The following SUGP1 variants were observed in gnomAD, a reference collection of about 807,000 sequenced individuals.
The protein encoded by SUGP1 is SURP and G-patch domain containing 1.
A neutral mutation model predicts 76.5 loss-of-function variants in SUGP1; 34 were observed. That is an observed-to-expected ratio of 0.44 (90% CI 0.34 to 0.59). SUGP1 has a LOEUF of 0.59. Ranked by LOEUF, SUGP1 falls within the 20% of genes least tolerant of loss-of-function variation. SUGP1 has a pLI of 0.01. For synonymous variants in SUGP1, 326 were observed against 326.2 expected, an observed-to-expected ratio of 1.00 and a Z score of 0.01; for missense variants, 752 against 851.7, an observed-to-expected ratio of 0.88 and a Z score of 1.46.
intron 8 of SUGP1, among the ~76,000 whole-genome samples, chr19:19,289,704 T>C (rs949771750): frequency 6.6e-6 from 1 of 151,914 alleles, no homozygotes. Context: ...GCCGAGATAG[T>C]GCCACAGCAC....
At chr19:19,296,067 G>T (rs1313791609) in intron 8 of SUGP1, among the ~76,000 whole-genome samples, 1 of 151,604 alleles carries the variant, frequency 6.6e-6, no homozygotes, top group South Asian at 2.1e-4. Context: ...CTATAATCCC[G>T]GCACTTTGGG....
intron 8 of SUGP1, among the ~76,000 whole-genome samples, chr19:19,284,899 A>G (rs1599847789): frequency 6.9e-6 from 1 of 145,498 alleles, no homozygotes; most frequent in Non-Finnish European, 1.5e-5. Flanking sequence ...TTTTAGATGG[A>G]GTCTCGCTCT....
rs777598624 is a variant in SUGP1 at position 19,297,359 on chromosome 19, TG to T, written c.888-16del. On this transcript the variant is annotated splice_polypyrimidine_tract_variant and intron_variant, in intron 7 of 13. Transcript: ENST00000247001. ...CATACAGAAAGCTGCAAAGGAGAGT[TG>T]GGGGGTGCAGTGTCAGCTGGGCCCG... 4.7e-6 allele frequency: 7 copies of T among 1,484,746 alleles called. No homozygotes were observed. Among genetic ancestry groups the T allele is most frequent in the Middle Eastern group, 1.8e-4 (1 of 5,456 alleles). The allele number at this position is 1,484,746 out of a possible 1,614,324, so 92.0% of individuals were successfully genotyped here. A position where few individuals can be genotyped will look rare whatever the true frequency, so the allele number is the denominator to read the frequency against.
chr19:19,303,901 G>A, intron 4 of SUGP1, 54 bp from the exon 5 acceptor site: 1 of 1,611,102 alleles, frequency 6.2e-7, no homozygotes, highest in East Asian at 2.2e-5. Flanking sequence ...ACAGTCAATA[G>A]GCACACTCTC....
At chr19:19,295,587 C>T (rs188881288) in intron 8 of SUGP1, among the ~76,000 whole-genome samples, 2 of 121,880 alleles carry the variant, frequency 1.6e-5, no homozygotes, top group Admixed American at 2.1e-4. Flanking sequence ...GCCTGGGCAA[C>T]ACAGTGAGAC....
intron 4 of SUGP1, 155 bp from the exon 5 acceptor site, chr19:19,304,002 A>C: frequency 1.3e-6 from 2 of 1,586,638 alleles, no homozygotes; most frequent in African/African-American, 1.3e-5. Flanking sequence ...ACAAAACACC[A>C]TGACGAGGGG....
chr19:19,302,559 A>C, intron 6 of SUGP1, 171 bp from the exon 7 acceptor site: 1 of 969,028 alleles, frequency 1.0e-6, no homozygotes, highest in African/African-American at 1.6e-5. Flanking sequence ...TTCATAACAC[A>C]CCTCAAGCCC....
At chr19:19,310,979 T>TG (rs2061348660) in intron 2 of SUGP1, among the ~76,000 whole-genome samples, 1 of 151,736 alleles carries the variant, frequency 6.6e-6, no homozygotes, top group Non-Finnish European at 1.5e-5. Context: ...TCTGCTGCCC[T>TG]GGCTAAAGTG....
At chr19:19,296,204 C>T (rs2061224064) in intron 8 of SUGP1, among the ~76,000 whole-genome samples, 1 of 152,022 alleles carries the variant, frequency 6.6e-6, no homozygotes. Flanking sequence ...AAGTGGAACC[C>T]TTGTGCACTG....
intron 1 of SUGP1, among the ~76,000 whole-genome samples, chr19:19,318,590 A>C (rs1042939622): frequency 1.3e-5 from 2 of 152,192 alleles, no homozygotes; most frequent in African/African-American, 4.8e-5. Flanking sequence ...TACCAGGCCT[A>C]GCTATTTTCT....
At chr19:19,299,366 CT>C (rs1297945428) in intron 7 of SUGP1, among the ~76,000 whole-genome samples, 2 of 119,890 alleles carry the variant, frequency 1.7e-5, no homozygotes, top group Non-Finnish European at 3.3e-5. Flanking sequence ...ACTGACTTTT[CT>C]TTTTTTTCTT....
chr19:19,305,130 C>T (rs779085215), intron 4 of SUGP1, among the ~76,000 whole-genome samples: 1 of 152,224 alleles, frequency 6.6e-6, no homozygotes, highest in Non-Finnish European at 1.5e-5. Context: ...CTCTGATCCG[C>T]TCGGACACAC....
rs375748240 is a variant in SUGP1, at chr19:19,276,609, G to A, written c.*39C>T. 6.3e-5 allele frequency: 101 copies of A among 1,613,516 alleles called. No individual in the cohort carries two copies. Among genetic ancestry groups the A allele is most frequent in the Non-Finnish European group, 8.0e-5 (94 of 1,179,636 alleles). The stretch of plus-strand genomic sequence containing the variant: ...AGGCCGGAACATTCCACAGTCCAGG[G>A]ACGGTTGGTCATTCAGAAAGTATGT... On this transcript the variant is annotated 3_prime_UTR_variant, in exon 14 of 14. Transcript: ENST00000247001.
At chr19:19,302,179 G>A (rs1477063741) in intron 7 of SUGP1, 86 bp downstream of exon 7, 1 of 1,554,486 alleles carries the variant, frequency 6.4e-7, no homozygotes, top group Admixed American at 1.9e-5. Context: ...CCCAGCAGGT[G>A]GCTGGACTAT....
At chr19:19,283,090 AGTT>A (rs1183691520) in intron 8 of SUGP1, among the ~76,000 whole-genome samples, 1 of 151,538 alleles carries the variant, frequency 6.6e-6, no homozygotes, top group East Asian at 1.9e-4. Flanking sequence ...AAAAAAAAAA[AGTT>A]AGGAGTGTCA....
At chr19:19,315,894 C>T (rs1007273185) in intron 2 of SUGP1, among the ~76,000 whole-genome samples, 7 of 151,760 alleles carry the variant, frequency 4.6e-5, no homozygotes, top group South Asian at 2.1e-4. Flanking sequence ...TACAGTGGCA[C>T]GATCTCAACT....
chr19:19,294,473 A>C (rs1056494874), intron 8 of SUGP1, among the ~76,000 whole-genome samples: 1 of 142,376 alleles, frequency 7.0e-6, no homozygotes, highest in African/African-American at 2.7e-5. Context: ...TGCAGTGAGT[A>C]GCCACTGCAC....
At chr19:19,310,037 C>T in intron 3 of SUGP1, 60 bp downstream of exon 3, 2 of 1,401,214 alleles carry the variant, frequency 1.4e-6, no homozygotes, top group East Asian at 4.6e-5. Flanking sequence ...TTCCCATGTG[C>T]CCAGCAACCC....
chr19:19,306,317 C>A (rs2061317605), intron 3 of SUGP1, among the ~76,000 whole-genome samples: 1 of 152,190 alleles, frequency 6.6e-6, no homozygotes, highest in South Asian at 2.1e-4. Context: ...GCCGCTGTGG[C>A]TGGAGGCATC....
Sources: allele counts gnomAD v4.1 joint callset (sites outside exome capture counted in the v4.1 genomes callset), GRCh38; gene constraint gnomAD v4.1.1; transcripts MANE v1.5; gene names NCBI Gene and HGNC (gene_info 2026-07-23, HGNC 2026-07-21).